The following SLMAP variants were observed in gnomAD, a reference collection of about 807,000 sequenced individuals.
SLMAP encodes the protein sarcolemma associated protein, also known as sarcolemmal membrane-associated protein.
Under a neutral mutation model 128.8 loss-of-function variants are expected in SLMAP, and 44 were observed. The observed-to-expected ratio is 0.34, with a 90% CI of 0.27 to 0.44. The LOEUF is 0.44. SLMAP is among the 20% of genes least tolerant of loss of function. SLMAP has a pLI of 1.00. For synonymous variants in SLMAP, 327 were observed against 348.8 expected (o/e 0.94, Z 0.70); for missense variants, 787 against 985.3 (o/e 0.80, Z 2.69).
chr3:57,913,174 G>A lies in SLMAP; in HGVS notation c.2037G>A (p.Leu679=). Residue 679 remains leucine (L), a synonymous_variant, in exon 21 of 25, where the codon TTG becomes TTA. Coordinates refer to ENST00000671191, the MANE Select transcript of SLMAP (RefSeq NM_001377540.1). ...CTATTTTAGGTGAACTAGAGAAGTT[G>A]AGAAAGGAATGGAATGCATTGGAAA... ...ATRLQGELEK[L]RKEWNALETE... The A allele has an allele frequency of 6.4e-7, 1 of 1,564,364 alleles. No homozygotes were observed. The highest frequency in any genetic ancestry group is 1.3e-5 in the African/African-American group (1 of 74,176).
At chr3:57,874,859 C>CAA (rs1181269991) in intron 14 of SLMAP, among the ~76,000 whole-genome samples, 1 of 67,388 alleles carries the variant, frequency 1.5e-5, no homozygotes. Flanking sequence ...AACTCTGTCT[C>CAA]AAAAAAAAAA....
rs115566404 is a variant in SLMAP, at chr3:57,927,200, C to G, written c.*7-96C>G. The G allele has an allele frequency of 2.9e-3, 1,640 of 561,950 alleles. 13 individuals are homozygous for G. The highest frequency in any genetic ancestry group is 0.028 in the African/African-American group (1,459 of 51,970). 34.8% of individuals were successfully genotyped at this position (561,950 alleles called of 1,614,324 possible). A position where few individuals can be genotyped will look rare whatever the true frequency, so the allele number is the denominator to read the frequency against. ...GCAGAAATAAGATTTTTCCAATATT[C>G]TGTTAAGTATTCAGGACTCTCTGGA... On this transcript the variant is annotated intron_variant, in intron 24 of 24. Coordinates refer to ENST00000671191, the MANE Select transcript of SLMAP (RefSeq NM_001377540.1).
chr3:57,867,843 A>G (rs2095348399), intron 13 of SLMAP, among the ~76,000 whole-genome samples: 1 of 152,212 alleles, frequency 6.6e-6, no homozygotes, highest in Admixed American at 6.5e-5. Flanking sequence ...AGTGAATCCC[A>G]TTTTAAAAAT....
intron 2 of SLMAP, among the ~76,000 whole-genome samples, chr3:57,806,880 C>T (rs1259270640): frequency 6.6e-6 from 1 of 152,170 alleles, no homozygotes; most frequent in Admixed American, 6.5e-5. Flanking sequence ...GGTGTATACC[C>T]AGTAATGTGA....
chr3:57,794,208 T>TTTTTTTTTTTTTTTG (rs1560010509), intron 2 of SLMAP, among the ~76,000 whole-genome samples: 6 of 152,198 alleles, frequency 3.9e-5, no homozygotes, highest in African/African-American at 1.4e-4. Context: ...GTGTGCATTT[T>TTTTTTTTTTTTTTTG]AATAGAACTT....
chr3:57,862,726 G>T (rs954462628), intron 10 of SLMAP, among the ~76,000 whole-genome samples: 5 of 151,720 alleles, frequency 3.3e-5, no homozygotes, highest in African/African-American at 1.2e-4. Context: ...CCTTGAATGT[G>T]TTAAATTATG....
intron 14 of SLMAP, among the ~76,000 whole-genome samples, chr3:57,888,289 C>T (rs1334231418): frequency 2.0e-5 from 3 of 152,038 alleles, no homozygotes; most frequent in Admixed American, 2.0e-4. Context: ...ATAATTATAG[C>T]ATACTATATG....
At chr3:57,778,868 C>T (rs1215815284) in intron 2 of SLMAP, among the ~76,000 whole-genome samples, 1 of 152,050 alleles carries the variant, frequency 6.6e-6, no homozygotes, top group Non-Finnish European at 1.5e-5. Flanking sequence ...AATGTTATAA[C>T]CATTTTGACA....
intron 14 of SLMAP, among the ~76,000 whole-genome samples, chr3:57,885,300 G>A (rs1003232335): frequency 2.6e-5 from 4 of 151,740 alleles, no homozygotes; most frequent in Non-Finnish European, 5.9e-5. Flanking sequence ...TCGAACTCCC[G>A]ACCTCAGGTG....
intron 19 of SLMAP, among the ~76,000 whole-genome samples, chr3:57,912,046 A>G (rs2096713891): frequency 6.6e-6 from 1 of 151,978 alleles, no homozygotes; most frequent in African/African-American, 2.4e-5. Flanking sequence ...TTTTTTGTTG[A>G]AAGAGTTTCA....
chr3:57,788,941 A>G (rs952575653), intron 2 of SLMAP, among the ~76,000 whole-genome samples: 2 of 152,170 alleles, frequency 1.3e-5, no homozygotes, highest in African/African-American at 4.8e-5. Context: ...TATTTCCATA[A>G]GAAAGGTAGT....
intron 19 of SLMAP, among the ~76,000 whole-genome samples, chr3:57,909,652 G>A (rs2096647009): frequency 6.6e-6 from 1 of 151,758 alleles, no homozygotes; most frequent in Admixed American, 6.6e-5. Flanking sequence ...CGCTCTTGTT[G>A]CCCAGGCTGG....
At chr3:57,791,492 G>A (rs965343811) in intron 2 of SLMAP, among the ~76,000 whole-genome samples, 3 of 151,976 alleles carry the variant, frequency 2.0e-5, no homozygotes, top group Non-Finnish European at 4.4e-5. Context: ...CTTCCTTATT[G>A]TAAATATGGC....
At chr3:57,876,915 C>T (rs1270459125) in intron 14 of SLMAP, among the ~76,000 whole-genome samples, 2 of 152,180 alleles carry the variant, frequency 1.3e-5, no homozygotes, top group Non-Finnish European at 2.9e-5. Context: ...GGCATCATTG[C>T]CAGATGCCAG....
intron 2 of SLMAP, among the ~76,000 whole-genome samples, chr3:57,782,938 G>A (rs2083358504): frequency 6.6e-6 from 1 of 152,180 alleles, no homozygotes; most frequent in South Asian, 2.1e-4. Context: ...ACTAGATGAT[G>A]GCACCTTGAT....
At chr3:57,771,066 T>C (rs1284749022) in intron 2 of SLMAP, among the ~76,000 whole-genome samples, 1 of 151,986 alleles carries the variant, frequency 6.6e-6, no homozygotes, top group Non-Finnish European at 1.5e-5. Context: ...GATTTCAAAT[T>C]TTCAGATTTG....
At chr3:57,916,573 T>G (rs2096817156) in intron 21 of SLMAP, among the ~76,000 whole-genome samples, 2 of 152,080 alleles carry the variant, frequency 1.3e-5, no homozygotes, top group South Asian at 4.1e-4. Context: ...GAAACATGTG[T>G]GTTCTTTTCC....
chr3:57,829,291 TA>T (rs1439861471), intron 2 of SLMAP, among the ~76,000 whole-genome samples: 1 of 152,132 alleles, frequency 6.6e-6, no homozygotes, highest in Non-Finnish European at 1.5e-5. Flanking sequence ...TATGTTTTTT[TA>T]AAAAATGCTA....
intron 14 of SLMAP, among the ~76,000 whole-genome samples, chr3:57,888,668 A>C (rs992309730): frequency 6.6e-6 from 1 of 152,126 alleles, no homozygotes; most frequent in Non-Finnish European, 1.5e-5. Flanking sequence ...TGAGGATGGT[A>C]GTAGAAAATG....
Sources: gnomAD v4.1 joint callset for allele counts (sites outside exome capture counted in the v4.1 genomes callset) on GRCh38, gnomAD v4.1.1 for gene constraint, MANE v1.5 for transcripts, NCBI Gene and HGNC (gene_info 2026-07-23, HGNC 2026-07-21) for gene names.